The following IPO13 variants were observed in gnomAD, a reference collection of about 807,000 sequenced individuals.
The protein encoded by IPO13 is importin 13, also known as importin-13.
In IPO13, 28 loss-of-function variants were observed where a neutral mutation model predicts 115.5. That is an observed-to-expected ratio of 0.24 (90% confidence interval 0.18 to 0.33). IPO13 has a LOEUF of 0.33. IPO13 is among the 10% of genes least tolerant of loss of function. The probability of loss-of-function intolerance (pLI) is 1.00; values close to 1 mark genes in which losing one functional copy is unlikely to be tolerated. For missense variants in IPO13, 785 were observed against 1,204.6 expected (o/e 0.65, Z 5.16); for synonymous variants, 414 against 478.9 (o/e 0.86, Z 1.77).
At chr1:43,954,555 C>T (rs2154302157) in intron 2 of IPO13, among the ~76,000 whole-genome samples, 1 of 152,272 alleles carries the variant, frequency 6.6e-6, no homozygotes, top group Non-Finnish European at 1.5e-5. Flanking sequence ...ACAGAGGGGT[C>T]CCAAGCATCT....
At position 43,949,615 on chromosome 1, in the gene IPO13, A is replaced by G. The variant is rs2085191356; in HGVS notation, c.283A>G (p.Thr95Ala). ...CTCTCGCTACTGGAGTGACATCCCC[A>G]CTGACCAGTATGAAAGCCTAAAGGC... is the stretch of plus-strand genomic sequence containing the variant. The part of the protein sequence containing the change: ...KISRYWSDIP[T>A]DQYESLKAQL... Residue 95 changes from threonine (T) to alanine (A), a missense_variant, in exon 2 of 20, where the codon ACT (threonine) becomes GCT (alanine). Coordinates refer to ENST00000372343, the MANE Select transcript of IPO13 (RefSeq NM_014652.4). 1 of 1,614,050 alleles carries G rather than the reference A, an allele frequency of 6.2e-7. No homozygotes were observed. The highest frequency in any genetic ancestry group is 1.3e-5 in the African/African-American group (1 of 74,918).
Position 43,966,503 on chromosome 1 carries a change from G to T in IPO13, c.2398-72G>T, listed in dbSNP as rs1172369877. Reference sequence around the variant, plus strand: ...TGTGAGGTGTGAAGTTGGGGGCTGGGGTGGCAGGTGAGTGGGGGGGATGGT... The same window carrying T: ...TGTGAGGTGTGAAGTTGGGGGCTGGTGTGGCAGGTGAGTGGGGGGGATGGT... On this transcript the variant is annotated intron_variant, in intron 15 of 19. Transcript: ENST00000372343. This position sits in a 1 kb window ranked among gnomAD's most constrained non-coding sequence, Gnocchi z 4.1. 4.0e-6 allele frequency: 6 copies of T among 1,486,854 alleles called. No individual in the cohort carries two copies. Among genetic ancestry groups the T allele is most frequent in the Non-Finnish European group, 5.6e-6 (6 of 1,066,438 alleles). The allele number at this position is 1,486,854 out of a possible 1,614,324, so 92.1% of individuals were successfully genotyped here. A position where few individuals can be genotyped will look rare whatever the true frequency, so the allele number is the denominator to read the frequency against.
Position 43,958,236 on chromosome 1 carries a change from C to T in IPO13, c.1723-6C>T, listed in dbSNP as rs867469153. The stretch of plus-strand genomic sequence containing the variant: ...CTGATACTACATTCCTTCTTTCTCC[C>T]CTCAGGATGTGCTGATGAAACAGAT... On this transcript the variant is annotated splice_polypyrimidine_tract_variant and splice_region_variant and intron_variant, in intron 8 of 19. Coordinates refer to ENST00000372343, the MANE Select transcript of IPO13 (RefSeq NM_014652.4). The surrounding 1 kb of genome is among the most constrained non-coding windows in gnomAD (Gnocchi z 6.3). 2.5e-6 allele frequency: 4 copies of T among 1,614,072 alleles called. No homozygotes were observed. Among genetic ancestry groups the T allele is most frequent in the African/African-American group, 2.7e-5 (2 of 74,912 alleles).
At position 43,958,841 on chromosome 1, in the gene IPO13, TGAA is replaced by T; in HGVS notation, c.1982_1984del (p.Glu661del). On this transcript the variant is annotated inframe_deletion, in exon 11 of 20. Coordinates refer to ENST00000372343, the MANE Select transcript of IPO13 (RefSeq NM_014652.4). This position sits in a 1 kb window ranked among gnomAD's most constrained non-coding sequence, Gnocchi z 6.3. ...ACATCAGTCATCATGAGGATGATCA[TGAA>T]GGCCCTGAGCTTCGGAAGCTGCCAG... is the stretch of plus-strand genomic sequence containing the variant. 1 of 1,614,140 alleles carries T rather than the reference TGAA, an allele frequency of 6.2e-7. No homozygotes were observed.
intron 2 of IPO13, chr1:43,953,483 G>C (rs960088408): frequency 6.6e-6 from 1 of 152,204 alleles, no homozygotes; most frequent in Non-Finnish European, 1.5e-5. Flanking sequence ...TCTTCCCATG[G>C]GTGAGCTGCA....
intron 12 of IPO13, 32 bp from the exon 13 acceptor site, chr1:43,960,844 G>A: frequency 6.2e-7 from 1 of 1,612,540 alleles, no homozygotes; most frequent in South Asian, 1.1e-5. Context: ...GTCATGACCT[G>A]CTGACCAGGG....
chr1:43,964,361 CTT>C (rs527756428), intron 15 of IPO13, 40 bp downstream of exon 15: 2 of 1,414,576 alleles, frequency 1.4e-6, no homozygotes, highest in African/African-American at 1.4e-5. Flanking sequence ...TGTTCTCTCT[CTT>C]TCTCTTTCTC....
rs1347807523 is a variant in IPO13 at position 43,949,692 on chromosome 1, G to C, written c.360G>C (p.Leu120=). 6.2e-7 allele frequency: 1 copy of C among 1,614,244 alleles called. No homozygotes were observed. The highest frequency in any genetic ancestry group is 1.3e-5 in the African/African-American group (1 of 75,070). ...TRFASGSKIV[L]TRLCVALASL... ...TTGCCAGTGGCTCCAAGATTGTACT[G>C]ACTCGGCTGTGCGTGGCACTGGCCT... Residue 120 remains leucine (L), a synonymous_variant, in exon 2 of 20, where the codon CTG becomes CTC. Coordinates refer to ENST00000372343, the MANE Select transcript of IPO13 (RefSeq NM_014652.4).
chr1:43,961,333 A>G lies in IPO13; in HGVS notation c.2344+71A>G, dbSNP rs1010508986. 7 of 1,233,230 alleles carry G rather than the reference A, an allele frequency of 5.7e-6. No homozygotes were observed. The African/African-American group carries it at 5.9e-5, about 10-fold the overall frequency. 76.4% of individuals were successfully genotyped at this position (1,233,230 alleles called of 1,614,324 possible). ...CTCTGCTTCCCCAAATGGGGAGCCA[A>G]AGCTGCCCACTCTGTTCTTCTCTGT... On this transcript the variant is annotated intron_variant, in intron 14 of 19. Transcript: ENST00000372343.
intron 5 of IPO13, 66 bp from the exon 6 acceptor site, chr1:43,957,129 T>TG: frequency 2.5e-6 from 4 of 1,589,580 alleles, no homozygotes; most frequent in Non-Finnish European, 3.4e-6. Context: ...GGTAGGCTCC[T>TG]GGGCTTGGGG....
chr1:43,953,002 A>G (rs1352169666), intron 2 of IPO13, among the ~76,000 whole-genome samples: 1 of 152,194 alleles, frequency 6.6e-6, no homozygotes, highest in Non-Finnish European at 1.5e-5. Context: ...GATCAGGGCA[A>G]GTGTGTGGGT....
chr1:43,947,501 C>T lies in IPO13; in HGVS notation c.-100C>T. The T allele has an allele frequency of 1.6e-6, 1 of 643,282 alleles. No homozygotes were observed. Among genetic ancestry groups the T allele is most frequent in the Non-Finnish European group, 2.2e-6 (1 of 446,130 alleles). 39.8% of individuals were successfully genotyped at this position (643,282 alleles called of 1,614,324 possible). On this transcript the variant is annotated 5_prime_UTR_variant, in exon 1 of 20. Coordinates refer to ENST00000372343, the MANE Select transcript of IPO13 (RefSeq NM_014652.4). The stretch of plus-strand genomic sequence containing the variant: ...CTGGGCCCCCCCTCACCCCACCACT[C>T]CCTGGGCACCCAAGCCGGGGTCTAG...
chr1:43,954,279 G>A (rs575293891), intron 2 of IPO13, among the ~76,000 whole-genome samples: 43 of 152,260 alleles, frequency 2.8e-4, no homozygotes, highest in Non-Finnish European at 4.1e-4. Context: ...AAGCTATCCC[G>A]GCTGTCTCCA....
rs542510635 is a variant in IPO13, at chr1:43,947,393, G to A, written c.-208G>A. ...CCCTCCTCGGAGTCCCCTTCATTGG[G>A]TCTCCTAAGAGCACCAATTTTGGTC... On this transcript the variant is annotated 5_prime_UTR_variant, in exon 1 of 20. Coordinates refer to ENST00000372343, the MANE Select transcript of IPO13 (RefSeq NM_014652.4). 5.0e-6 allele frequency: 2 copies of A among 399,154 alleles called. No individual in the cohort carries two copies. The highest frequency in any genetic ancestry group is 4.4e-5 in the Admixed American group (1 of 22,734). The allele number at this position is 399,154 out of a possible 1,614,324, so 24.7% of individuals were successfully genotyped here.
Position 43,967,167 on chromosome 1 carries a change from C to A in IPO13, c.2613+148C>A. ...AAATGCCTGAAAGTTGTTAGGATTG[C>A]TGTGGGGATCAGCTGGCTCTCAAAA... is the stretch of plus-strand genomic sequence containing the variant. On this transcript the variant is annotated intron_variant, in intron 18 of 19. Transcript: ENST00000372343. The surrounding 1 kb of genome is among the most constrained non-coding windows in gnomAD (Gnocchi z 6.1). The A allele has an allele frequency of 9.2e-7, 1 of 1,088,926 alleles. No individual in the cohort carries two copies. Among genetic ancestry groups the A allele is most frequent in the Non-Finnish European group, 1.4e-6 (1 of 724,878 alleles). 67.5% of individuals were successfully genotyped at this position (1,088,926 alleles called of 1,614,324 possible). A position where few individuals can be genotyped will look rare whatever the true frequency, so the allele number is the denominator to read the frequency against.
In IPO13 at chr1:43,958,619, G is replaced by A. The variant is rs777471865; in HGVS notation, c.1884+24G>A. 3.5e-5 allele frequency: 57 copies of A among 1,613,804 alleles called. No individual in the cohort carries two copies. The highest frequency in any genetic ancestry group is 4.1e-5 in the Non-Finnish European group (48 of 1,179,986). ...TAGTGAGTGAGCTCTGGGGGCCAGGGAGCGGTACTGAGATGCTGTGGCTGA... is the reference window on the plus strand; with the variant it reads ...TAGTGAGTGAGCTCTGGGGGCCAGGAAGCGGTACTGAGATGCTGTGGCTGA... On this transcript the variant is annotated intron_variant, in intron 10 of 19. Coordinates refer to ENST00000372343, the MANE Select transcript of IPO13 (RefSeq NM_014652.4). This position sits in a 1 kb window ranked among gnomAD's most constrained non-coding sequence, Gnocchi z 6.3.
intron 11 of IPO13, among the ~76,000 whole-genome samples, 191 bp downstream of exon 11, chr1:43,959,080 A>G (rs2085272282): frequency 6.6e-6 from 1 of 152,124 alleles, no homozygotes; most frequent in African/African-American, 2.4e-5. Flanking sequence ...GTAGGCAGCA[A>G]TGTCATTATC....
chr1:43,949,915 G>A lies in IPO13; in HGVS notation c.583G>A (p.Ala195Thr). The change falls in exon 2 of 20, where the codon GCG becomes ACG. Residue 195 changes from alanine (A) to threonine (T), a missense_variant. Physicochemically the swap from Ala to Thr is moderately conservative, Grantham distance 58. Transcript: ENST00000372343. ...YRKGLVRTSL[A>T]VECGAVFPLL... ...CAAAGGCCTGGTGCGGACCAGCCTG[G>A]CGGTGGAATGTGGGGCTGTCTTCCC... is the stretch of plus-strand genomic sequence containing the variant. 6.2e-7 allele frequency: 1 copy of A among 1,610,248 alleles called. No individual in the cohort carries two copies. Among genetic ancestry groups the A allele is most frequent in the Non-Finnish European group, 8.5e-7 (1 of 1,179,682 alleles).
Position 43,952,239 on chromosome 1 carries a change from G to T in IPO13, c.821+2086G>T, listed in dbSNP as rs972467010. 1.8e-4 allele frequency among the ~76,000 whole-genome samples: 28 copies of T among 152,150 alleles called. No individual in the cohort carries two copies. The highest frequency in any genetic ancestry group is 6.0e-4 in the African/African-American group (25 of 41,412). Reference sequence around the variant, plus strand: ...GGCTGGTGTGCAGTGGCACAATCTCGGCTCACTGCAACCTCCGCCTCCCGG... The same window carrying T: ...GGCTGGTGTGCAGTGGCACAATCTCTGCTCACTGCAACCTCCGCCTCCCGG... On this transcript the variant is annotated intron_variant, in intron 2 of 19. Coordinates refer to ENST00000372343, the MANE Select transcript of IPO13 (RefSeq NM_014652.4). The surrounding 1 kb of genome is among the most constrained non-coding windows in gnomAD (Gnocchi z 4.7).
Sources: allele counts gnomAD v4.1 joint callset (sites outside exome capture counted in the v4.1 genomes callset), GRCh38; gene constraint gnomAD v4.1.1; non-coding constraint Gnocchi (gnomAD v3.1); transcripts MANE v1.5; gene names NCBI Gene and HGNC (gene_info 2026-07-23, HGNC 2026-07-21).